The following ATP2C1 variants were observed in gnomAD, a reference collection of about 807,000 sequenced individuals.
ATP2C1 encodes ATPase secretory pathway Ca2+ transporting 1, also known as calcium-transporting ATPase type 2C member 1.
ATP2C1 carries 31 observed loss-of-function variants against 120.5 expected under a neutral mutation model. The observed-to-expected ratio is 0.26, with a 90% confidence interval of 0.19 to 0.35. The LOEUF (loss-of-function observed/expected upper bound fraction) is 0.35. ATP2C1 is among the 10% of genes least tolerant of loss of function. The probability of loss-of-function intolerance (pLI) is 1.00; values close to 1 mark genes in which losing one functional copy is unlikely to be tolerated. For missense variants in ATP2C1, 731 were observed against 1,107.5 expected (o/e 0.66, Z 4.83); for synonymous variants, 351 against 358.7 (o/e 0.98, Z 0.24).
At chr3:130,921,411 T>C (rs1253023365) in intron 2 of ATP2C1, among the ~76,000 whole-genome samples, 1 of 152,182 alleles carries the variant, frequency 6.6e-6, no homozygotes, top group Non-Finnish European at 1.5e-5. Context: ...ACTTCCTTTC[T>C]GATTTGGATG....
chr3:131,009,362 T>C (rs2063229784), intron 26 of ATP2C1, among the ~76,000 whole-genome samples: 1 of 152,148 alleles, frequency 6.6e-6, no homozygotes, highest in African/African-American at 2.4e-5. Context: ...TATAAAAATA[T>C]ATTTATATTT....
At chr3:130,891,374 A>G (rs1457767708), upstream of ATP2C1, among the ~76,000 whole-genome samples, 3 of 152,246 alleles carry the variant, frequency 2.0e-5, no homozygotes, top group South Asian at 2.1e-4. Flanking sequence ...AAAGCACAGT[A>G]TAAAGAAAAT....
intron 2 of ATP2C1, among the ~76,000 whole-genome samples, chr3:130,921,816 C>T (rs2058979624): frequency 6.6e-6 from 1 of 152,140 alleles, no homozygotes; most frequent in Admixed American, 6.5e-5. Flanking sequence ...ATGAAACCCA[C>T]TTGATCATGG....
Position 130,999,604 on chromosome 3 carries a change from T to C in ATP2C1, c.2574T>C (p.Val858=). 1.2e-6 allele frequency: 2 copies of C among 1,613,606 alleles called. No homozygotes were observed. Among genetic ancestry groups the C allele is most frequent in the Non-Finnish European group, 1.7e-6 (2 of 1,179,642 alleles). Residue 858 remains valine (V), a synonymous_variant, in exon 27 of 28, where the codon GTT becomes GTC. Transcript: ENST00000510168. ...GATCCATCATGGGACAATTACTAGT[T>C]ATTTACTTTCCTCCGCTTCAGAAGG... is the stretch of plus-strand genomic sequence containing the variant. ...VLGSIMGQLL[V]IYFPPLQKVF... is the part of the protein sequence containing the mutation.
At chr3:130,992,612 C>T (rs534193557) in intron 20 of ATP2C1, among the ~76,000 whole-genome samples, 10 of 152,196 alleles carry the variant, frequency 6.6e-5, no homozygotes, top group Admixed American at 3.9e-4. Flanking sequence ...TAGTTGTATG[C>T]GAGTGTCATA....
chr3:130,933,070 C>G (rs1276290227), intron 4 of ATP2C1, among the ~76,000 whole-genome samples: 1 of 152,184 alleles, frequency 6.6e-6, no homozygotes, highest in Non-Finnish European at 1.5e-5. Context: ...ATAGTTTACT[C>G]TGGATTTATA....
At chr3:130,971,828 C>T (rs2061328425) in intron 17 of ATP2C1, among the ~76,000 whole-genome samples, 1 of 152,152 alleles carries the variant, frequency 6.6e-6, no homozygotes, top group Admixed American at 6.5e-5. Flanking sequence ...AGGATTAAGC[C>T]TTAAGACTGA....
At chr3:130,863,427 G>A (rs2067508) in intron 1 of ATP2C1, among the ~76,000 whole-genome samples, 35 of 152,014 alleles carry the variant, frequency 2.3e-4, no homozygotes, top group Non-Finnish European at 4.4e-4. Flanking sequence ...CTTCCAAGCA[G>A]ACCAGTTAAC....
rs1317103184 is a variant in ATP2C1 at position 131,001,213 on chromosome 3, C to G, written c.2630-7C>G. The G allele has an allele frequency of 1.1e-5, 17 of 1,604,436 alleles. No homozygotes were observed. Among genetic ancestry groups the G allele is most frequent in the Non-Finnish European group, 1.4e-5 (16 of 1,174,300 alleles). The stretch of plus-strand genomic sequence containing the variant: ...AAATGTAAAACCCAACTTATTTTCT[C>G]TTGCAGATCTGTTGTTTCTTTTGGG... On this transcript the variant is annotated splice_region_variant and splice_polypyrimidine_tract_variant and intron_variant, in intron 27 of 27. Transcript: ENST00000510168.
intron 4 of ATP2C1, among the ~76,000 whole-genome samples, chr3:130,934,340 A>G (rs1244640528): frequency 6.6e-6 from 1 of 152,186 alleles, no homozygotes. Context: ...TTCTTAAATT[A>G]ATATACCAAA....
At chr3:130,906,170 G>A (rs2058111448) in intron 2 of ATP2C1, among the ~76,000 whole-genome samples, 1 of 151,824 alleles carries the variant, frequency 6.6e-6, no homozygotes. Context: ...ATTGTATATT[G>A]ATATAATTCT....
At chr3:130,949,501 A>G (rs1258479760) in intron 8 of ATP2C1, among the ~76,000 whole-genome samples, 3 of 152,168 alleles carry the variant, frequency 2.0e-5, no homozygotes, top group Admixed American at 1.3e-4. Flanking sequence ...TCTGTAACAT[A>G]TAAGTGCAAG....
intron 1 of ATP2C1, among the ~76,000 whole-genome samples, chr3:130,870,475 G>A (rs2068395784): frequency 6.6e-6 from 1 of 152,186 alleles, no homozygotes; most frequent in Admixed American, 6.5e-5. Context: ...ATGAAAGGAG[G>A]ACAAAGTGTC....
chr3:130,954,974 A>C, intron 9 of ATP2C1, 38 bp from the exon 10 acceptor site: 3 of 1,463,270 alleles, frequency 2.1e-6, no homozygotes, highest in Non-Finnish European at 2.9e-6. Context: ...TTTACATTTC[A>C]TCTGGATGTA....
rs1163721392 is a variant in ATP2C1, at chr3:131,003,011, C to T, written c.*1661C>T. 1.0e-6 allele frequency: 1 copy of T among 985,536 alleles called. No homozygotes were observed. The highest frequency in any genetic ancestry group is 1.2e-6 in the Non-Finnish European group (1 of 829,804). 61.0% of individuals were successfully genotyped at this position (985,536 alleles called of 1,614,324 possible). A position where few individuals can be genotyped will look rare whatever the true frequency, so the allele number is the denominator to read the frequency against. On this transcript the variant is annotated 3_prime_UTR_variant, in exon 28 of 28. Transcript: ENST00000510168. ...TTGTAATGATTTTTATTCTCTGTTA[C>T]AAAGACTTGAAATACGTATTAAATG... is the stretch of plus-strand genomic sequence containing the variant.
downstream of ATP2C1, among the ~76,000 whole-genome samples, chr3:131,006,348 G>A (rs141871501): frequency 2.1e-3 from 326 of 152,294 alleles, no homozygotes; most frequent in African/African-American, 7.3e-3. Context: ...CTGACCTCAG[G>A]TGATCCATGC....
intron 1 of ATP2C1, among the ~76,000 whole-genome samples, chr3:130,882,310 G>C (rs1365737621): frequency 6.6e-6 from 1 of 150,412 alleles, no homozygotes; most frequent in Admixed American, 6.6e-5. Flanking sequence ...TGATTCTCTT[G>C]CCTCTTGTAA....
intron 12 of ATP2C1, 190 bp downstream of exon 12, chr3:130,959,531 T>C: frequency 2.5e-6 from 1 of 399,548 alleles, no homozygotes; most frequent in Non-Finnish European, 4.6e-6. Context: ...TATATGGTAA[T>C]GAAGAAAACC....
chr3:130,962,618 CAA>C (rs1170638427), intron 12 of ATP2C1, among the ~76,000 whole-genome samples: 4 of 145,986 alleles, frequency 2.7e-5, no homozygotes, highest in Non-Finnish European at 6.0e-5. Context: ...TATTCCTCTG[CAA>C]AGTTTTGCTA....
Sources: allele counts gnomAD v4.1 joint callset (sites outside exome capture counted in the v4.1 genomes callset), GRCh38; gene constraint gnomAD v4.1.1; transcripts MANE v1.5; gene names NCBI Gene and HGNC (gene_info 2026-07-23, HGNC 2026-07-21).